LRP1B: variants seen among roughly 807,000 people sequenced by gnomAD.
LRP1B encodes the protein low-density lipoprotein receptor-related protein 1B.
Under a neutral mutation model 556.6 loss-of-function variants are expected in LRP1B, and 217 were observed. The ratio of observed to expected loss-of-function variants is 0.39; its 90% CI spans 0.35 to 0.44. LRP1B has a LOEUF of 0.44. Among genes scored for constraint, LRP1B ranks in the 20% least tolerant of loss-of-function variants. The pLI, the probability that LRP1B is intolerant of heterozygous loss-of-function variation, is 1.00. For synonymous variants in LRP1B, 2,047 were observed against 1,865.8 expected (o/e 1.10, Z -2.50); for missense variants, 5,053 against 5,620.8 (o/e 0.90, Z 3.23).
At chr2:140,929,272 G>T (rs139753939) in intron 20 of LRP1B, among the ~76,000 whole-genome samples, 1 of 152,124 alleles carries the variant, frequency 6.6e-6, no homozygotes, top group Non-Finnish European at 1.5e-5. Flanking sequence ...AAGAGAGAAT[G>T]CCAGGAGAAC....
intron 33 of LRP1B, among the ~76,000 whole-genome samples, chr2:140,771,440 C>T (rs561768854): frequency 2.6e-5 from 4 of 152,124 alleles, no homozygotes; most frequent in South Asian, 2.1e-4. Flanking sequence ...AAAGATTATG[C>T]GTCTAAAAGA....
chr2:141,783,055 C>A (rs1695316239), intron 2 of LRP1B, among the ~76,000 whole-genome samples: 1 of 152,056 alleles, frequency 6.6e-6, no homozygotes, highest in Non-Finnish European at 1.5e-5. Context: ...TCCATTCATT[C>A]ATTCACTTAG....
intron 4 of LRP1B, among the ~76,000 whole-genome samples, chr2:141,249,959 G>A (rs1398396248): frequency 1.3e-5 from 2 of 152,062 alleles, no homozygotes; most frequent in Non-Finnish European, 2.9e-5. Context: ...CTCATGACTT[G>A]GGAATGATGA....
rs900123305 is a variant in LRP1B, at chr2:140,573,776, T to C, written c.7194+24855A>G. ...CCCTCTTAATATCTGGTTTCTGCTA[T>C]TGAAGTAGTCATTCAGTTCACTAGT... is the stretch of plus-strand genomic sequence containing the variant. On this transcript the variant is annotated intron_variant, in intron 43 of 90. Transcript: ENST00000389484. 1.1e-4 allele frequency among the ~76,000 whole-genome samples: 17 copies of C among 152,190 alleles called. No homozygotes were observed. In the South Asian group the frequency reaches 1.7e-3, roughly 15 times the overall value.
intron 85 of LRP1B, among the ~76,000 whole-genome samples, chr2:140,272,709 G>C (rs72892218): frequency 0.039 from 5,972 of 151,982 alleles, 124 homozygotes; most frequent in South Asian, 0.084. Context: ...AATGTGAAAA[G>C]TATCATAGAA....
intron 1 of LRP1B, among the ~76,000 whole-genome samples, chr2:141,900,722 A>C (rs1304350620): frequency 6.6e-6 from 1 of 152,080 alleles, no homozygotes; most frequent in Non-Finnish European, 1.5e-5. Flanking sequence ...TTTACATATA[A>C]ATATATTGAA....
chr2:141,978,008 G>A (rs1177567757), intron 1 of LRP1B, among the ~76,000 whole-genome samples: 1 of 151,982 alleles, frequency 6.6e-6, no homozygotes, highest in Non-Finnish European at 1.5e-5. Context: ...CATACATTTT[G>A]CATACAGACA....
intron 12 of LRP1B, among the ~76,000 whole-genome samples, chr2:141,018,457 G>T (rs374774467): frequency 1.3e-5 from 2 of 152,086 alleles, no homozygotes; most frequent in East Asian, 3.9e-4. Flanking sequence ...CTATGTAGAT[G>T]CTATAGGTTT....
chr2:140,237,533 C>A (rs1421269428), intron 89 of LRP1B, among the ~76,000 whole-genome samples: 4 of 150,780 alleles, frequency 2.7e-5, no homozygotes, highest in African/African-American at 9.7e-5. Flanking sequence ...GATTCCATGT[C>A]TGAAGTGATG....
intron 3 of LRP1B, among the ~76,000 whole-genome samples, chr2:141,278,757 G>A (rs1006885760): frequency 3.3e-5 from 5 of 152,218 alleles, no homozygotes; most frequent in African/African-American, 1.2e-4. Flanking sequence ...CCAACAGACT[G>A]ACTTCTGCCT....
intron 41 of LRP1B, among the ~76,000 whole-genome samples, chr2:140,674,262 A>T (rs1685591463): frequency 6.6e-6 from 1 of 151,996 alleles, no homozygotes; most frequent in Non-Finnish European, 1.5e-5. Flanking sequence ...TTTCTTTGAC[A>T]TATTTTGGAA....
intron 3 of LRP1B, among the ~76,000 whole-genome samples, chr2:141,329,694 G>T (rs1687571735): frequency 6.6e-6 from 1 of 150,974 alleles, no homozygotes; most frequent in South Asian, 2.1e-4. Flanking sequence ...ATCTGTTCGA[G>T]GCTTAGGGTA....
chr2:140,537,060 A>T (rs551112006), intron 45 of LRP1B, among the ~76,000 whole-genome samples: 9 of 151,160 alleles, frequency 6.0e-5, no homozygotes, highest in African/African-American at 2.2e-4. Context: ...AGTCCCAGCT[A>T]CTTGGGAGGT....
intron 2 of LRP1B, among the ~76,000 whole-genome samples, chr2:141,731,724 A>G (rs1211976481): frequency 6.6e-6 from 1 of 152,108 alleles, no homozygotes; most frequent in Non-Finnish European, 1.5e-5. Context: ...ATGACCTTGG[A>G]GAAAATTACT....
intron 50 of LRP1B, among the ~76,000 whole-genome samples, chr2:140,516,525 A>G (rs768753542): frequency 1.1e-4 from 16 of 152,102 alleles, no homozygotes; most frequent in Non-Finnish European, 2.2e-4. Context: ...TGGGGGAAAT[A>G]TAACAAGTAG....
chr2:140,686,996 C>T (rs2105390012), intron 41 of LRP1B, among the ~76,000 whole-genome samples: 1 of 152,050 alleles, frequency 6.6e-6, no homozygotes, highest in East Asian at 1.9e-4. Flanking sequence ...ATAATGATTA[C>T]AGGATGCAGG....
chr2:140,422,247 C>A (rs187619653), intron 66 of LRP1B, among the ~76,000 whole-genome samples: 1 of 152,060 alleles, frequency 6.6e-6, no homozygotes, highest in African/African-American at 2.4e-5. Context: ...CATAAATATA[C>A]GACACCGAAA....
At chr2:142,083,799 G>A (rs570020753) in intron 1 of LRP1B, among the ~76,000 whole-genome samples, 3 of 152,172 alleles carry the variant, frequency 2.0e-5, no homozygotes, top group South Asian at 2.1e-4. Flanking sequence ...ATATCATGAC[G>A]GGTCTGTAGT....
intron 1 of LRP1B, among the ~76,000 whole-genome samples, chr2:142,080,386 C>T (rs768810900): frequency 9.2e-5 from 14 of 152,050 alleles, no homozygotes; most frequent in Non-Finnish European, 2.1e-4. Context: ...TCATGGTTTT[C>T]TGTGTTTCTA....
Sources: gnomAD v4.1 joint callset for allele counts (sites outside exome capture counted in the v4.1 genomes callset) on GRCh38, gnomAD v4.1.1 for gene constraint, MANE v1.5 for transcripts, NCBI Gene and HGNC (gene_info 2026-07-23, HGNC 2026-07-21) for gene names.